The following GABRG3 variants were observed in gnomAD, a reference collection of about 807,000 sequenced individuals.
The protein encoded by GABRG3 is gamma-aminobutyric acid receptor subunit gamma-3.
A neutral mutation model predicts 48.8 loss-of-function variants in GABRG3; 25 were observed. The ratio of observed to expected loss-of-function variants is 0.51; its 90% CI spans 0.37 to 0.72. The LOEUF (loss-of-function observed/expected upper bound fraction) is 0.72, where lower values mean the gene tolerates loss of function less well. GABRG3 is among the 30% of genes least tolerant of loss of function. The probability of loss-of-function intolerance (pLI) is 0.00; values close to 1 mark genes in which losing one functional copy is unlikely to be tolerated. For synonymous variants in GABRG3, 227 were observed against 217.6 expected, an observed-to-expected ratio of 1.04 and a Z score of -0.38; for missense variants, 394 against 577.9, an observed-to-expected ratio of 0.68 and a Z score of 3.26.
intron 5 of GABRG3, among the ~76,000 whole-genome samples, chr15:27,446,643 A>G (rs918677345): frequency 7.2e-5 from 11 of 152,092 alleles, no homozygotes; most frequent in African/African-American, 2.7e-4. Context: ...TTTTGAGGCT[A>G]TTGTAACTGG....
intron 5 of GABRG3, among the ~76,000 whole-genome samples, chr15:27,347,142 T>G (rs2140532788): frequency 6.6e-6 from 1 of 152,298 alleles, no homozygotes; most frequent in South Asian, 2.1e-4. Context: ...GCTTAATATT[T>G]TTCTAGCATC....
intron 1 of GABRG3, among the ~76,000 whole-genome samples, chr15:26,972,519 T>C (rs1894865682): frequency 6.6e-6 from 1 of 152,078 alleles, no homozygotes; most frequent in Non-Finnish European, 1.5e-5. Flanking sequence ...GTGTCTGGCC[T>C]TTACCTCTTT....
intron 5 of GABRG3, among the ~76,000 whole-genome samples, chr15:27,371,827 A>G (rs942889627): frequency 1.2e-4 from 18 of 152,210 alleles, no homozygotes; most frequent in African/African-American, 4.1e-4. Context: ...AAATAACACT[A>G]AATATTCAAA....
intron 3 of GABRG3, among the ~76,000 whole-genome samples, chr15:27,112,664 T>TC (rs1254892879): frequency 1.3e-5 from 2 of 152,108 alleles, no homozygotes; most frequent in Non-Finnish European, 2.9e-5. Context: ...GGTCTTGAAC[T>TC]CCTGAGCTCA....
intron 5 of GABRG3, among the ~76,000 whole-genome samples, chr15:27,452,618 G>A (rs1405105640): frequency 6.6e-6 from 1 of 152,188 alleles, no homozygotes; most frequent in African/African-American, 2.4e-5. Context: ...CCAGAAAGTG[G>A]AAGTAAGTGG....
chr15:26,995,718 C>T (rs1339779112), intron 2 of GABRG3, among the ~76,000 whole-genome samples: 1 of 152,028 alleles, frequency 6.6e-6, no homozygotes, highest in Non-Finnish European at 1.5e-5. Context: ...TGAGATTATA[C>T]AAACTTAATT....
At chr15:27,458,299 C>T (rs1317633776) in intron 5 of GABRG3, among the ~76,000 whole-genome samples, 1 of 152,190 alleles carries the variant, frequency 6.6e-6, no homozygotes, top group African/African-American at 2.4e-5. Context: ...TTGTATTGGC[C>T]TTGACGCTGT....
chr15:27,527,996 C>G lies in GABRG3; in HGVS notation c.1122+4C>G, dbSNP rs765700942. 2 of 1,590,424 alleles carry G rather than the reference C, an allele frequency of 1.3e-6. No individual in the cohort carries two copies. The highest frequency in any genetic ancestry group is 1.7e-4 in the Middle Eastern group (1 of 6,038). On this transcript the variant is annotated splice_donor_region_variant and intron_variant, in intron 9 of 9. Transcript: ENST00000615808. ...AATAAGCCTACAAGCCCCTTCCGTA[C>G]GTATAGCATTGCAGGTGCCAATATT...
chr15:27,340,083 C>T (rs975414346), intron 5 of GABRG3, among the ~76,000 whole-genome samples: 5 of 152,132 alleles, frequency 3.3e-5, no homozygotes, highest in African/African-American at 1.2e-4. Context: ...CTCTAAACCC[C>T]TCTAAACCTC....
At chr15:27,369,806 CAAAAAAAAAAAAAAA>C (rs34901488) in intron 5 of GABRG3, among the ~76,000 whole-genome samples, 3 of 30,270 alleles carry the variant, frequency 9.9e-5, no homozygotes, top group Non-Finnish European at 1.5e-4. Flanking sequence ...GACTCCGTCT[CAAAAAAAAAAAAAAA>C]AAAAAAAAAA....
At chr15:27,150,169 CCT>C (rs1898285003) in intron 3 of GABRG3, among the ~76,000 whole-genome samples, 1 of 152,086 alleles carries the variant, frequency 6.6e-6, no homozygotes, top group Non-Finnish European at 1.5e-5. Context: ...TTCTTTCTTT[CCT>C]TTTTATCACA....
intron 5 of GABRG3, among the ~76,000 whole-genome samples, chr15:27,450,861 T>C (rs1003262472): frequency 6.6e-6 from 1 of 152,178 alleles, no homozygotes; most frequent in African/African-American, 2.4e-5. Context: ...TTCAGTACAG[T>C]TGTGAGGCAG....
intron 3 of GABRG3, among the ~76,000 whole-genome samples, chr15:27,231,841 C>T (rs117877763): frequency 0.028 from 4,192 of 152,236 alleles, 94 homozygotes; most frequent in South Asian, 0.11. Flanking sequence ...ATTATCTAAA[C>T]GTTGTGAAAC....
At chr15:27,005,433 ATTATTT>A (rs1895565905) in intron 2 of GABRG3, among the ~76,000 whole-genome samples, 2 of 152,116 alleles carry the variant, frequency 1.3e-5, no homozygotes, top group East Asian at 1.9e-4. Context: ...TTCTTTAGAT[ATTATTT>A]TTATTTTTAA....
intron 5 of GABRG3, among the ~76,000 whole-genome samples, chr15:27,458,543 G>A (rs1046230701): frequency 4.6e-5 from 7 of 152,166 alleles, no homozygotes; most frequent in African/African-American, 1.7e-4. Context: ...GCAATTTGAG[G>A]AGATGCAAGC....
chr15:27,242,844 C>T (rs547338859), intron 3 of GABRG3, among the ~76,000 whole-genome samples: 1 of 152,286 alleles, frequency 6.6e-6, no homozygotes, highest in East Asian at 1.9e-4. Context: ...AAAATAGAGC[C>T]ATTTCTTCAT....
intron 3 of GABRG3, among the ~76,000 whole-genome samples, chr15:27,227,466 T>A (rs993980551): frequency 6.6e-6 from 1 of 152,072 alleles, no homozygotes; most frequent in African/African-American, 2.4e-5. Context: ...GCCAGTGCAC[T>A]GCAGCCTGGT....
intron 5 of GABRG3, among the ~76,000 whole-genome samples, chr15:27,416,677 A>G (rs1887949886): frequency 6.6e-6 from 1 of 151,996 alleles, no homozygotes; most frequent in Admixed American, 6.5e-5. Flanking sequence ...TCCATCAATG[A>G]TGGTTCAGTT....
chr15:27,227,851 C>G (rs1889672909), intron 3 of GABRG3, among the ~76,000 whole-genome samples: 1 of 152,134 alleles, frequency 6.6e-6, no homozygotes, highest in South Asian at 2.1e-4. Flanking sequence ...CCAGCCTACC[C>G]AGCATGTTTT....
Sources: gnomAD v4.1 joint callset for allele counts (sites outside exome capture counted in the v4.1 genomes callset) on GRCh38, gnomAD v4.1.1 for gene constraint, MANE v1.5 for transcripts, NCBI Gene and HGNC (gene_info 2026-07-23, HGNC 2026-07-21) for gene names.